The following EFR3B variants were observed in gnomAD, a reference collection of about 807,000 sequenced individuals.
EFR3B encodes the protein EFR3 homolog B.
In EFR3B, 64 loss-of-function variants were observed where a neutral mutation model predicts 104.7. The observed-to-expected ratio is 0.61, with a 90% CI of 0.50 to 0.75. EFR3B has a LOEUF of 0.75. Ranked by LOEUF, EFR3B falls within the 30% of genes least tolerant of loss-of-function variation. The probability of loss-of-function intolerance (pLI) is 0.00; values close to 1 mark genes in which losing one functional copy is unlikely to be tolerated. For synonymous variants in EFR3B, 385 were observed against 417.9 expected (o/e 0.92, Z 0.96); for missense variants, 750 against 1,078.5 (o/e 0.70, Z 4.27).
chr2:25,043,392 C>T (rs1171774226), intron 1 of EFR3B, among the ~76,000 whole-genome samples: 1 of 152,212 alleles, frequency 6.6e-6, no homozygotes, highest in Non-Finnish European at 1.5e-5. Flanking sequence ...TCAGCTGCCT[C>T]GCTCCGCGAA....
rs910542045 is a variant in EFR3B at position 25,151,827 on chromosome 2, A to G, written c.2192-87A>G. ...TTCAGAAGAGGGGAGAGCCCAAGCA[A>G]TGCTCATGGACAGTGCTCCCTGGAG... On this transcript the variant is annotated intron_variant, in intron 20 of 22. Coordinates refer to ENST00000403714, the MANE Select transcript of EFR3B (RefSeq NM_014971.2). The G allele has an allele frequency of 4.7e-5, 67 of 1,410,656 alleles. No homozygotes were observed. In the African/African-American group the frequency reaches 5.3e-4, roughly 11 times the overall value. The allele number at this position is 1,410,656 out of a possible 1,614,324, so 87.4% of individuals were successfully genotyped here.
intron 4 of EFR3B, among the ~76,000 whole-genome samples, chr2:25,118,507 T>C (rs1260759011): frequency 1.3e-5 from 2 of 152,020 alleles, no homozygotes; most frequent in Non-Finnish European, 2.9e-5. Flanking sequence ...TTTAGGTTAT[T>C]TCCACATCTT....
rs1430839683 is a variant in EFR3B, at chr2:25,154,713, C to T, written c.*373C>T. ...CCCAGAGGACGGAGCTGGATGGAGACTTGGTTGGTGAGAGGAAGCTAAGGA... is the reference window on the plus strand; with the variant it reads ...CCCAGAGGACGGAGCTGGATGGAGATTTGGTTGGTGAGAGGAAGCTAAGGA... On this transcript the variant is annotated 3_prime_UTR_variant, in exon 23 of 23. Transcript: ENST00000403714. The surrounding 1 kb of genome is among the most constrained non-coding windows in gnomAD (Gnocchi z 4.1). The T allele has an allele frequency of 1.1e-5, 2 of 187,130 alleles. No individual in the cohort carries two copies. Among genetic ancestry groups the T allele is most frequent in the Non-Finnish European group, 2.2e-5 (2 of 91,840 alleles). The allele number at this position is 187,130 out of a possible 1,614,324, so 11.6% of individuals were successfully genotyped here. A position where few individuals can be genotyped will look rare whatever the true frequency, so the allele number is the denominator to read the frequency against.
At chr2:25,055,779 CA>C (rs5829957) in intron 1 of EFR3B, among the ~76,000 whole-genome samples, 123,131 of 152,102 alleles carry the variant, frequency 0.81, 50,021 homozygotes, top group South Asian at 0.95. Context: ...ACAGCGTGTG[CA>C]AGGAGGGATG....
intron 1 of EFR3B, among the ~76,000 whole-genome samples, chr2:25,063,376 A>G (rs566196676): frequency 6.6e-6 from 1 of 152,224 alleles, no homozygotes; most frequent in South Asian, 2.1e-4. Context: ...GGCTTGTGAC[A>G]TCTCTGTATA....
intron 3 of EFR3B, among the ~76,000 whole-genome samples, chr2:25,094,720 C>G (rs1449497925): frequency 6.6e-6 from 1 of 152,054 alleles, no homozygotes; most frequent in Non-Finnish European, 1.5e-5. Context: ...AACACTTATG[C>G]CCTTTCACTC....
At chr2:25,110,085 TC>T (rs965455252) in intron 4 of EFR3B, among the ~76,000 whole-genome samples, 1 of 151,564 alleles carries the variant, frequency 6.6e-6, no homozygotes, top group East Asian at 1.9e-4. Context: ...AGCACCCTGT[TC>T]CCCCCCATCT....
intron 1 of EFR3B, among the ~76,000 whole-genome samples, chr2:25,089,185 A>G (rs1041662234): frequency 6.6e-5 from 10 of 152,140 alleles, no homozygotes; most frequent in South Asian, 2.1e-4. Context: ...CCAGACCAGG[A>G]CTGTCCCGGC....
chr2:25,060,846 G>A (rs1036375350), intron 1 of EFR3B, among the ~76,000 whole-genome samples: 8 of 151,788 alleles, frequency 5.3e-5, no homozygotes, highest in Non-Finnish European at 7.4e-5. Flanking sequence ...GTGTGAACCC[G>A]GGAGACAGAG....
chr2:25,141,435 T>C lies in EFR3B; in HGVS notation c.1922+2T>C, dbSNP rs1378995712. The C allele has an allele frequency of 4.5e-6, 7 of 1,550,812 alleles. No homozygotes were observed. The highest frequency in any genetic ancestry group is 1.4e-5 in the African/African-American group (1 of 72,932). The stretch of plus-strand genomic sequence containing the variant: ...GGATGTGTTTGTGGAGAGGCCCAGG[T>C]GAGGAGAGGACGGGGGACGTGGTCA... On this transcript the variant is annotated splice_donor_variant, in intron 17 of 22. Coordinates refer to ENST00000403714, the MANE Select transcript of EFR3B (RefSeq NM_014971.2). LOFTEE classifies it high-confidence loss of function.
chr2:25,077,532 G>T (rs982844756), intron 1 of EFR3B, among the ~76,000 whole-genome samples: 7 of 152,100 alleles, frequency 4.6e-5, no homozygotes, highest in African/African-American at 1.4e-4. Context: ...CTCCTGATCC[G>T]CCTGCCTTGG....
intron 19 of EFR3B, among the ~76,000 whole-genome samples, 195 bp from the exon 20 acceptor site, chr2:25,149,499 C>T (rs1386220185): frequency 1.3e-5 from 2 of 152,214 alleles, no homozygotes; most frequent in Admixed American, 6.5e-5. Flanking sequence ...AGCTTCCCCG[C>T]TGCATCTCGC....
At chr2:25,065,954 C>G (rs1668325645) in intron 1 of EFR3B, among the ~76,000 whole-genome samples, 1 of 152,220 alleles carries the variant, frequency 6.6e-6, no homozygotes, top group African/African-American at 2.4e-5. Context: ...CAGATGTAGC[C>G]TGTGTTCCAC....
Position 25,136,541 on chromosome 2 carries a change from T to A in EFR3B, c.1503T>A (p.Ser501=), listed in dbSNP as rs1388077111. Residue 501 remains serine, a synonymous_variant, in exon 14 of 23, where the codon TCT becomes TCA. Coordinates refer to ENST00000403714, the MANE Select transcript of EFR3B (RefSeq NM_014971.2). This position sits in a 1 kb window ranked among gnomAD's most constrained non-coding sequence, Gnocchi z 4.0. ...TTCCCAGTACCCTCAGTGACATCTC[T>A]GTCCTGAAGCTGAAAGTGGACAAGT... is the stretch of plus-strand genomic sequence containing the variant. The part of the protein sequence containing the change: ...FSTISTLSDI[S]VLKLKVDKCS... The A allele has an allele frequency of 6.4e-7, 1 of 1,551,124 alleles. No individual in the cohort carries two copies. The highest frequency in any genetic ancestry group is 1.2e-5 in the South Asian group (1 of 84,042).
At chr2:25,125,505 C>T (rs778759450) in intron 5 of EFR3B, among the ~76,000 whole-genome samples, 3 of 152,210 alleles carry the variant, frequency 2.0e-5, no homozygotes, top group Admixed American at 6.5e-5. Flanking sequence ...GTCAGGACAG[C>T]GTGGCCAGGT....
intron 3 of EFR3B, 134 bp downstream of exon 3, chr2:25,093,264 G>A (rs1669183970): frequency 8.1e-7 from 1 of 1,234,796 alleles, no homozygotes; most frequent in Non-Finnish European, 1.1e-6. Context: ...GGAGGTCAAG[G>A]TGGGAGGATC....
Position 25,157,585 on chromosome 2 carries a change from T to C in EFR3B, c.*3245T>C, listed in dbSNP as rs564653044. 66 of 152,352 alleles carry C rather than the reference T, an allele frequency of 4.3e-4. No homozygotes were observed. The highest frequency in any genetic ancestry group is 1.5e-3 in the African/African-American group (62 of 41,578). The allele number at this position is 152,352 out of a possible 1,614,324, so 9.4% of individuals were successfully genotyped here. The stretch of plus-strand genomic sequence containing the variant: ...GGCTGCTCCCAAAGCCCGAGGACTC[T>C]AGCTGTGTGGGGAAGGGCTAGCATT... On this transcript the variant is annotated 3_prime_UTR_variant, in exon 23 of 23. Coordinates refer to ENST00000403714, the MANE Select transcript of EFR3B (RefSeq NM_014971.2).
At chr2:25,144,498 C>A (rs1333347458) in intron 18 of EFR3B, among the ~76,000 whole-genome samples, 2 of 151,826 alleles carry the variant, frequency 1.3e-5, no homozygotes, top group Non-Finnish European at 2.9e-5. Context: ...GAGCCAAGAT[C>A]GCGCCATTGC....
At chr2:25,118,770 G>T (rs898760955) in intron 4 of EFR3B, among the ~76,000 whole-genome samples, 1 of 147,298 alleles carries the variant, frequency 6.8e-6, no homozygotes, top group Non-Finnish European at 1.5e-5. Context: ...GCAGGGCGTG[G>T]TGGTTCACAC....
Sources: allele counts gnomAD v4.1 joint callset (sites outside exome capture counted in the v4.1 genomes callset), GRCh38; gene constraint gnomAD v4.1.1; non-coding constraint Gnocchi (gnomAD v3.1); transcripts MANE v1.5; gene names NCBI Gene and HGNC (gene_info 2026-07-23, HGNC 2026-07-21).